ZNF587: variants seen among roughly 807,000 people sequenced by gnomAD.
ZNF587 encodes zinc finger protein zfp6.
A neutral mutation model predicts 7.5 loss-of-function variants in ZNF587; 8 were observed. That is an observed-to-expected ratio of 1.06 (90% confidence interval 0.62 to 1.92). The LOEUF (loss-of-function observed/expected upper bound fraction) is 1.92. Among genes scored for constraint, ZNF587 ranks in the 40% most tolerant of loss-of-function variants. ZNF587 has a pLI of 0.00. For missense variants in ZNF587, 468 were observed against 692.8 expected (o/e 0.68, Z 3.64); for synonymous variants, 145 against 237.8 (o/e 0.61, Z 3.59).
Position 57,854,591 on chromosome 19 carries a change from A to G in ZNF587, c.34-1513A>G, listed in dbSNP as rs372056796. Reference sequence around the variant, plus strand: ...CTTGAATAATGTATCCTAGCCTAACAGCCCGTTTTATCAAGGTGATAAGGC... The same window carrying G: ...CTTGAATAATGTATCCTAGCCTAACGGCCCGTTTTATCAAGGTGATAAGGC... On this transcript the variant is annotated intron_variant, in intron 1 of 2. Coordinates refer to ENST00000339656, the MANE Select transcript of ZNF587 (RefSeq NM_032828.4). Among the ~76,000 whole-genome samples, 19 of 151,646 alleles carry G rather than the reference A, an allele frequency of 1.3e-4. 1 individual carries two copies. In the East Asian group the frequency reaches 2.1e-3, roughly 17 times the overall value.
At chr19:57,850,198 A>G in intron 1 of ZNF587, 127 bp downstream of exon 1, 1 of 1,559,884 alleles carries the variant, frequency 6.4e-7, no homozygotes, top group Non-Finnish European at 8.8e-7. Context: ...AGGCGCTCAC[A>G]GGAGGCCTCT....
At chr19:57,854,661 C>A (rs1376958160) in intron 1 of ZNF587, among the ~76,000 whole-genome samples, 1 of 151,664 alleles carries the variant, frequency 6.6e-6, no homozygotes, top group Non-Finnish European at 1.5e-5. Flanking sequence ...CAATTCCATC[C>A]CTACCAGCAG....
intron 1 of ZNF587, among the ~76,000 whole-genome samples, chr19:57,855,036 T>G (rs1261644818): frequency 1.3e-5 from 2 of 151,472 alleles, no homozygotes; most frequent in Non-Finnish European, 2.9e-5. Context: ...TACAAAAAAT[T>G]AGCCAGCTGT....
In ZNF587 at chr19:57,864,668, G is replaced by C. The variant is rs1017035281; in HGVS notation, c.*4528G>C. ...CATCCTTCTCACTGGAAAGATCTTT[G>C]ATGATTTTTAATCAACATAGGAGTT... On this transcript the variant is annotated 3_prime_UTR_variant, in exon 3 of 3. Coordinates refer to ENST00000339656, the MANE Select transcript of ZNF587 (RefSeq NM_032828.4). 2 of 152,116 alleles carry C rather than the reference G, an allele frequency of 1.3e-5. No individual in the cohort carries two copies. The highest frequency in any genetic ancestry group is 4.8e-5 in the African/African-American group (2 of 41,414). 9.4% of individuals were successfully genotyped at this position (152,116 alleles called of 1,614,324 possible). A position where few individuals can be genotyped will look rare whatever the true frequency, so the allele number is the denominator to read the frequency against.
At position 57,849,922 on chromosome 19, in the gene ZNF587, G is replaced by A. The variant is rs1242608934; in HGVS notation, c.-117G>A. ...GTTTGTGGCCCCTGAGTGCTGGGTGGGACCGCGGTGACTGAACCTAGAAGG... is the reference window on the plus strand; with the variant it reads ...GTTTGTGGCCCCTGAGTGCTGGGTGAGACCGCGGTGACTGAACCTAGAAGG... On this transcript the variant is annotated 5_prime_UTR_variant, in exon 1 of 3. Coordinates refer to ENST00000339656, the MANE Select transcript of ZNF587 (RefSeq NM_032828.4). The A allele has an allele frequency of 1.9e-6, 3 of 1,594,014 alleles. No individual in the cohort carries two copies. The highest frequency in any genetic ancestry group is 2.2e-5 in the East Asian group (1 of 44,470).
chr19:57,851,063 A>G (rs968502520), intron 1 of ZNF587: 1 of 152,268 alleles, frequency 6.6e-6, no homozygotes, highest in Non-Finnish European at 1.5e-5. Context: ...GCATAAAGAC[A>G]TGAAGGCAAT....
In ZNF587 at chr19:57,856,196, T is replaced by A; in HGVS notation, c.126T>A (p.Asp42Glu). The A allele has an allele frequency of 6.2e-7, 1 of 1,603,636 alleles. No homozygotes were observed. The highest frequency in any genetic ancestry group is 8.5e-7 in the Non-Finnish European group (1 of 1,173,098). Residue 42 changes from aspartate (D) to glutamate (E), a missense_variant, in exon 2 of 3, where the codon GAT (aspartate) becomes GAA (glutamate). Asp to Glu is a conservative substitution (Grantham distance 45). Coordinates refer to ENST00000339656, the MANE Select transcript of ZNF587 (RefSeq NM_032828.4). ...AGGCTCAGAGGTGCTTGTACCGTGA[T>A]GTGATGCTAGAGAACCTGGCTCTCA... Reference protein sequence around the residue: ...LSEAQRCLYRDVMLENLALIS... With the variant: ...LSEAQRCLYREVMLENLALIS...
chr19:57,850,233 C>T, intron 1 of ZNF587, 162 bp downstream of exon 1: 1 of 1,333,240 alleles, frequency 7.5e-7, no homozygotes. Flanking sequence ...AGTGGGTTCA[C>T]GTTGCCAGCT....
intron 2 of ZNF587, among the ~76,000 whole-genome samples, chr19:57,857,923 A>G (rs1158109376): frequency 6.6e-6 from 1 of 151,708 alleles, no homozygotes; most frequent in Non-Finnish European, 1.5e-5. Context: ...GGAGTGAGCC[A>G]CCGTGCCCGG....
rs373370274 is a variant in ZNF587, at chr19:57,863,669, C to T, written c.*3529C>T. 1 of 152,162 alleles carries T rather than the reference C, an allele frequency of 6.6e-6. No homozygotes were observed. The highest frequency in any genetic ancestry group is 1.9e-4 in the East Asian group (1 of 5,202). The allele number at this position is 152,162 out of a possible 1,614,324, so 9.4% of individuals were successfully genotyped here. ...TGGTGGATACAAGAGTTAAGACTTC[C>T]TGTCCCGTTTAGTGTAACAAAAGAA... On this transcript the variant is annotated 3_prime_UTR_variant, in exon 3 of 3. Transcript: ENST00000339656.
rs1470861005 is a variant in ZNF587 at position 57,862,650 on chromosome 19, C to T, written c.*2510C>T. The T allele has an allele frequency of 1.9e-5, 3 of 154,902 alleles. No individual in the cohort carries two copies. Among genetic ancestry groups the T allele is most frequent in the Non-Finnish European group, 4.4e-5 (3 of 68,266 alleles). The allele number at this position is 154,902 out of a possible 1,614,324, so 9.6% of individuals were successfully genotyped here. On this transcript the variant is annotated 3_prime_UTR_variant, in exon 3 of 3. Coordinates refer to ENST00000339656, the MANE Select transcript of ZNF587 (RefSeq NM_032828.4). ...CTTGCATGAATGTCGACACTGCAGCCACAGTTTTGGCCGTAAATGTGAATT... is the reference window on the plus strand; with the variant it reads ...CTTGCATGAATGTCGACACTGCAGCTACAGTTTTGGCCGTAAATGTGAATT...
chr19:57,863,467 T>C lies in ZNF587; in HGVS notation c.*3327T>C, dbSNP rs1167060901. On this transcript the variant is annotated 3_prime_UTR_variant, in exon 3 of 3. Coordinates refer to ENST00000339656, the MANE Select transcript of ZNF587 (RefSeq NM_032828.4). ...GGTTTTACTGTATTTGCCAGGATGGTCTCGATCTCCAGACCTCGTGATCCG... is the reference window on the plus strand; with the variant it reads ...GGTTTTACTGTATTTGCCAGGATGGCCTCGATCTCCAGACCTCGTGATCCG... The C allele has an allele frequency of 1.3e-5, 2 of 152,174 alleles. No homozygotes were observed. Among genetic ancestry groups the C allele is most frequent in the South Asian group, 2.1e-4 (1 of 4,814 alleles). 9.4% of individuals were successfully genotyped at this position (152,174 alleles called of 1,614,324 possible).
At chr19:57,856,332 C>T in intron 2 of ZNF587, 99 bp downstream of exon 2, 2 of 1,505,802 alleles carry the variant, frequency 1.3e-6, no homozygotes, top group Non-Finnish European at 1.8e-6. Context: ...AGCCTGGACA[C>T]AGGTTCCTTC....
chr19:57,851,994 G>A (rs550540674), intron 1 of ZNF587: 21 of 219,192 alleles, frequency 9.6e-5, no homozygotes, highest in African/African-American at 4.5e-4. Context: ...TGACATGTTT[G>A]TAATGTCTGC....
intron 1 of ZNF587, chr19:57,854,168 G>A (rs2071320560): frequency 6.6e-6 from 1 of 152,158 alleles, no homozygotes; most frequent in Non-Finnish European, 1.5e-5. Context: ...GCTCATCTGT[G>A]ATAGTAGATG....
Position 57,863,736 on chromosome 19 carries a change from A to T in ZNF587, c.*3596A>T, listed in dbSNP as rs1299202301. On this transcript the variant is annotated 3_prime_UTR_variant, in exon 3 of 3. Transcript: ENST00000339656. ...TAAAAGATTGTAAGTTAGAAATGGC[A>T]AGATAATCAGCTATATGAAGAATCT... 1 of 152,126 alleles carries T rather than the reference A, an allele frequency of 6.6e-6. No homozygotes were observed. Among genetic ancestry groups the T allele is most frequent in the Admixed American group, 6.6e-5 (1 of 15,260 alleles). The allele number at this position is 152,126 out of a possible 1,614,324, so 9.4% of individuals were successfully genotyped here. A position where few individuals can be genotyped will look rare whatever the true frequency, so the allele number is the denominator to read the frequency against.
chr19:57,850,350 C>T, intron 1 of ZNF587: 1 of 618,942 alleles, frequency 1.6e-6, no homozygotes, highest in Non-Finnish European at 2.8e-6. Flanking sequence ...TTATTCAAAT[C>T]AGTCTCCCTG....
Position 57,863,962 on chromosome 19 carries a change from G to C in ZNF587, c.*3822G>C, listed in dbSNP as rs958005295. The C allele has an allele frequency of 8.8e-5, 13 of 148,432 alleles. No homozygotes were observed. The highest frequency in any genetic ancestry group is 3.2e-4 in the African/African-American group (13 of 40,298). 9.2% of individuals were successfully genotyped at this position (148,432 alleles called of 1,614,324 possible). A position where few individuals can be genotyped will look rare whatever the true frequency, so the allele number is the denominator to read the frequency against. On this transcript the variant is annotated 3_prime_UTR_variant, in exon 3 of 3. Coordinates refer to ENST00000339656, the MANE Select transcript of ZNF587 (RefSeq NM_032828.4). ...GGAGGCTGAGGCCAGAAAATCGGTT[G>C]AACCTGGGAGGTGGAAGGTGCACTG...
At position 57,850,086 on chromosome 19, in the gene ZNF587, T is replaced by C. The variant is rs758738317; in HGVS notation, c.33+15T>C. On this transcript the variant is annotated intron_variant, in intron 1 of 2. Coordinates refer to ENST00000339656, the MANE Select transcript of ZNF587 (RefSeq NM_032828.4). ...GCCCAACTCAGGTAATTGTGGTGCC[T>C]TCTGTGCCCTCAGGTCACCCCATCG... 4 of 1,614,244 alleles carry C rather than the reference T, an allele frequency of 2.5e-6. No homozygotes were observed. The highest frequency in any genetic ancestry group is 1.3e-5 in the African/African-American group (1 of 75,072).
Sources: gnomAD v4.1 joint callset for allele counts (sites outside exome capture counted in the v4.1 genomes callset) on GRCh38, gnomAD v4.1.1 for gene constraint, MANE v1.5 for transcripts, NCBI Gene and HGNC (gene_info 2026-07-23, HGNC 2026-07-21) for gene names.